Variants in RBBP7 observed in about 807,000 individuals in gnomAD.
RBBP7 encodes RB binding protein 7, chromatin remodeling factor.
RBBP7 carries 5 observed loss-of-function variants against 35.2 expected under a neutral mutation model. The observed-to-expected ratio is 0.14, with a 90% confidence interval of 0.07 to 0.30. RBBP7 has a LOEUF of 0.30. Ranked by LOEUF, RBBP7 falls within the 10% of genes least tolerant of loss-of-function variation. The pLI is 1.00. For synonymous variants in RBBP7, 140 were observed against 118.7 expected, an observed-to-expected ratio of 1.18 and a Z score of -1.17; for missense variants, 155 against 327.5, an observed-to-expected ratio of 0.47 and a Z score of 4.07.
At chrX:16,850,942 A>AT (rs370151741) in intron 9 of RBBP7, among the ~76,000 whole-genome samples, 1 of 110,574 alleles carries the variant, frequency 9.0e-6, no homozygotes, top group Admixed American at 9.7e-5. Flanking sequence ...TTATTTATTT[A>AT]TTTTTTTAGT....
chrX:16,845,414 TAAC>T (rs1230722575), intron 11 of RBBP7, among the ~76,000 whole-genome samples: 3 of 112,312 alleles, frequency 2.7e-5, no homozygotes, highest in South Asian at 3.7e-4. Context: ...AAGTCTCGGT[TAAC>T]AACAACTTAG....
At chrX:16,858,981 T>G in intron 3 of RBBP7, 132 bp from the exon 4 acceptor site, 2 of 981,607 alleles carry the variant, frequency 2.0e-6, no homozygotes, top group Non-Finnish European at 2.7e-6. Flanking sequence ...GACAGAAACA[T>G]GCATAGAGAA....
At chrX:16,854,989 T>G (rs1375663652) in intron 5 of RBBP7, among the ~76,000 whole-genome samples, 8 of 107,178 alleles carry the variant, frequency 7.5e-5, no homozygotes, top group African/African-American at 2.7e-4. Flanking sequence ...GTATGGGTTT[T>G]TTTTTTTTTT....
Position 16,869,070 on chromosome X carries a change from C to G in RBBP7, c.161+6G>C, listed in dbSNP as rs770771564. ...AAACAAAATAAAAGTTGCCAGAAAC[C>G]CTTACTTAGTCACTTCAGGAAGCCA... On this transcript the variant is annotated splice_donor_region_variant and intron_variant, in intron 2 of 11. Transcript: ENST00000380087. 1.5e-5 allele frequency: 18 copies of G among 1,192,722 alleles called. No homozygotes were observed. The highest frequency in any genetic ancestry group is 2.0e-5 in the Non-Finnish European group (18 of 890,093).
At chrX:16,857,268 C>A (rs1433240906) in intron 5 of RBBP7, among the ~76,000 whole-genome samples, 1 of 111,858 alleles carries the variant, frequency 8.9e-6, no homozygotes, top group Non-Finnish European at 1.9e-5. Context: ...CTGAACTGTA[C>A]ACTTAAAAAA....
Position 16,870,301 on chromosome X carries a change from C to G in RBBP7, c.-248G>C. ...TCTCCAAACTTGGAACGAGACTTTT[C>G]AACCCGCGCCTCCCAGCCCGCCCAG... On this transcript the variant is annotated 5_prime_UTR_variant, in exon 1 of 12. Transcript: ENST00000380087. The G allele has an allele frequency of 7.4e-6, 2 of 269,911 alleles. No homozygotes were observed. The highest frequency in any genetic ancestry group is 1.1e-5 in the Non-Finnish European group (2 of 181,193). The allele number at this position is 269,911 out of a possible 1,213,427, so 22.2% of individuals were successfully genotyped here. A position where few individuals can be genotyped will look rare whatever the true frequency, so the allele number is the denominator to read the frequency against.
intron 9 of RBBP7, among the ~76,000 whole-genome samples, chrX:16,850,103 CCAAA>C (rs1262563359): frequency 8.9e-6 from 1 of 112,327 alleles, no homozygotes; most frequent in Non-Finnish European, 1.9e-5. Flanking sequence ...ACAAAACTAA[CCAAA>C]CAATCTCAAA....
chrX:16,844,439 G>A lies in RBBP7; in HGVS notation c.*596C>T, dbSNP rs759649052. On this transcript the variant is annotated 3_prime_UTR_variant, in exon 12 of 12. Coordinates refer to ENST00000380087, the MANE Select transcript of RBBP7 (RefSeq NM_002893.4). ...TCGTTTTGCTTTTCAAAGACATTTT[G>A]TAGAGATTTTTCACTAATGTGAATC... The A allele has an allele frequency of 8.9e-6, 1 of 112,105 alleles. No homozygotes were observed. The highest frequency in any genetic ancestry group is 3.7e-4 in the South Asian group (1 of 2,715). The allele number at this position is 112,105 out of a possible 1,213,427, so 9.2% of individuals were successfully genotyped here.
At chrX:16,846,651 T>C (rs1930085192) in intron 10 of RBBP7, 1 of 112,356 alleles carries the variant, frequency 8.9e-6, no homozygotes, top group Non-Finnish European at 1.9e-5. Flanking sequence ...CTTATTTTTT[T>C]ATCTTAGAAT....
chrX:16,865,202 T>C lies in RBBP7; in HGVS notation c.162-2102A>G, dbSNP rs183835566. On this transcript the variant is annotated intron_variant, in intron 2 of 11. Transcript: ENST00000380087. ...GACTTCGAGACCAGCCTGGGCAACGTGGCAAAATCCCATCTCCACAAAAAA... is the reference window on the plus strand; with the variant it reads ...GACTTCGAGACCAGCCTGGGCAACGCGGCAAAATCCCATCTCCACAAAAAA... Among the ~76,000 whole-genome samples the C allele has an allele frequency of 6.2e-3, 676 of 109,080 alleles. 19 individuals are homozygous for C. Among genetic ancestry groups the C allele is most frequent in the Admixed American group, 0.057 (588 of 10,240 alleles). The allele number at this position is 109,080 out of a possible 115,157, so 94.7% of individuals were successfully genotyped here.
rs748450973 is a variant in RBBP7, at chrX:16,852,842, C to T, written c.792G>A (p.Pro264=). Residue 264 remains proline (P), a synonymous_variant, in exon 7 of 12, where the codon CCG becomes CCA. Coordinates refer to ENST00000380087, the MANE Select transcript of RBBP7 (RefSeq NM_002893.4). ...CAGTGTGCGCATCCACCAAGTGACT[C>T]GGCTTGGAGGTGGTATTGGACCTGG... is the stretch of plus-strand genomic sequence containing the variant. ...WDTRSNTTSK[P]SHLVDAHTAE... The T allele has an allele frequency of 1.4e-5, 17 of 1,211,772 alleles. No individual in the cohort carries two copies. The highest frequency in any genetic ancestry group is 2.2e-5 in the Admixed American group (1 of 46,025).
chrX:16,867,591 T>C (rs1335342222), intron 2 of RBBP7, among the ~76,000 whole-genome samples: 1 of 111,928 alleles, frequency 8.9e-6, no homozygotes, highest in Non-Finnish European at 1.9e-5. Flanking sequence ...TGGAAATTCC[T>C]ATCTGTATAG....
intron 2 of RBBP7, among the ~76,000 whole-genome samples, 157 bp downstream of exon 2, chrX:16,868,919 C>T: frequency 8.9e-6 from 1 of 112,292 alleles, no homozygotes; most frequent in Non-Finnish European, 1.9e-5. Flanking sequence ...CACCAGAAAT[C>T]ATCCCACAAA....
intron 6 of RBBP7, 182 bp from the exon 7 acceptor site, chrX:16,853,057 A>G (rs1487594982): frequency 3.1e-6 from 2 of 643,256 alleles, no homozygotes; most frequent in African/African-American, 4.5e-5. Flanking sequence ...CCTACAGAGA[A>G]CAAGCTAGGG....
chrX:16,848,816 G>A (rs1432182983), intron 10 of RBBP7: 1 of 113,858 alleles, frequency 8.8e-6, no homozygotes, highest in East Asian at 2.7e-4. Flanking sequence ...GGCATGGGAG[G>A]GAGATAGTGG....
At chrX:16,854,046 A>T (rs888395224) in intron 5 of RBBP7, among the ~76,000 whole-genome samples, 1 of 109,306 alleles carries the variant, frequency 9.1e-6, no homozygotes, top group Admixed American at 9.8e-5. Flanking sequence ...TGCCTGGCTC[A>T]TTTTTTTTGT....
At chrX:16,868,176 C>G (rs1434265410) in intron 2 of RBBP7, among the ~76,000 whole-genome samples, 1 of 111,393 alleles carries the variant, frequency 9.0e-6, no homozygotes, top group Non-Finnish European at 1.9e-5. Context: ...TCACTGCAGC[C>G]TTGAACTCCT....
In RBBP7 at chrX:16,870,098, T is replaced by C; in HGVS notation, c.-45A>G. On this transcript the variant is annotated 5_prime_UTR_variant, in exon 1 of 12. Transcript: ENST00000380087. The stretch of plus-strand genomic sequence containing the variant: ...CCCTCGCCGCCGCCTCGGACTCCTC[T>C]CGTTAGCCAAGAGCAGCCCGACCGC... The C allele has an allele frequency of 3.8e-6, 4 of 1,065,573 alleles. No individual in the cohort carries two copies. Among genetic ancestry groups the C allele is most frequent in the Non-Finnish European group, 4.9e-6 (4 of 815,494 alleles). The allele number at this position is 1,065,573 out of a possible 1,213,427, so 87.8% of individuals were successfully genotyped here. A position where few individuals can be genotyped will look rare whatever the true frequency, so the allele number is the denominator to read the frequency against.
At chrX:16,868,921 T>A in intron 2 of RBBP7, among the ~76,000 whole-genome samples, 155 bp downstream of exon 2, 1 of 112,092 alleles carries the variant, frequency 8.9e-6, no homozygotes, top group East Asian at 2.8e-4. Flanking sequence ...CCAGAAATCA[T>A]CCCACAAATC....
Sources: allele counts gnomAD v4.1 joint callset (sites outside exome capture counted in the v4.1 genomes callset), GRCh38; gene constraint gnomAD v4.1.1; transcripts MANE v1.5; gene names NCBI Gene and HGNC (gene_info 2026-07-23, HGNC 2026-07-21).